Variants in KLF12 observed in about 807,000 individuals in gnomAD.
KLF12 encodes the protein Krueppel-like factor 12.
In KLF12, 9 loss-of-function variants were observed where a neutral mutation model predicts 37.8. The ratio of observed to expected loss-of-function variants is 0.24; its 90% CI spans 0.14 to 0.42. The LOEUF (loss-of-function observed/expected upper bound fraction) is 0.42, where lower values mean the gene tolerates loss of function less well. Ranked by LOEUF, KLF12 falls within the 10% of genes least tolerant of loss-of-function variation. The pLI is 1.00. For missense variants in KLF12, 411 were observed against 516.0 expected, an observed-to-expected ratio of 0.80 and a Z score of 1.97; for synonymous variants, 208 against 202.1, an observed-to-expected ratio of 1.03 and a Z score of -0.25.
intron 1 of KLF12, among the ~76,000 whole-genome samples, chr13:74,037,022 G>A (rs1893263993): frequency 6.6e-6 from 1 of 151,914 alleles, no homozygotes; most frequent in Non-Finnish European, 1.5e-5. Flanking sequence ...TGGCCAAGAT[G>A]GTGAAACCCC....
intron 3 of KLF12, among the ~76,000 whole-genome samples, chr13:73,887,135 A>C (rs1379169984): frequency 6.6e-6 from 1 of 152,224 alleles, no homozygotes; most frequent in African/African-American, 2.4e-5. Context: ...TCAAAAATAG[A>C]AATTGGTGAT....
chr13:73,729,541 T>G (rs1876910645), intron 6 of KLF12, among the ~76,000 whole-genome samples: 1 of 152,202 alleles, frequency 6.6e-6, no homozygotes, highest in Non-Finnish European at 1.5e-5. Flanking sequence ...TGCTAAGGAA[T>G]GATAAATCTG....
At chr13:74,181,989 G>A in the KLF12 span, among the ~76,000 whole-genome samples, 2 of 152,264 alleles carry the variant, frequency 1.3e-5, no homozygotes, top group African/African-American at 2.4e-5. Flanking sequence ...CTATAGATAC[G>A]TCTTTTCAGT....
chr13:74,200,199 G>T, the KLF12 span, among the ~76,000 whole-genome samples: 1 of 151,716 alleles, frequency 6.6e-6, no homozygotes, highest in Non-Finnish European at 1.5e-5. Context: ...CAGGGGGGGG[G>T]TTTCCTGAGA....
At chr13:74,057,612 C>T (rs753131908) in intron 1 of KLF12, among the ~76,000 whole-genome samples, 4 of 152,098 alleles carry the variant, frequency 2.6e-5, no homozygotes, top group Non-Finnish European at 4.4e-5. Context: ...TTTCTTATCC[C>T]CAGTCATTGA....
At chr13:73,710,191 A>G (rs2137643113) in intron 7 of KLF12, among the ~76,000 whole-genome samples, 1 of 152,264 alleles carries the variant, frequency 6.6e-6, no homozygotes, top group South Asian at 2.1e-4. Context: ...CACATACAAC[A>G]TGGCATGTTT....
At chr13:73,818,355 C>A (rs1045281507) in intron 4 of KLF12, among the ~76,000 whole-genome samples, 1 of 152,204 alleles carries the variant, frequency 6.6e-6, no homozygotes, top group Non-Finnish European at 1.5e-5. Flanking sequence ...TGATAGGATG[C>A]TCATATGGGT....
the KLF12 span, among the ~76,000 whole-genome samples, chr13:74,158,813 G>A: frequency 2.6e-5 from 4 of 152,138 alleles, no homozygotes; most frequent in African/African-American, 7.2e-5. Flanking sequence ...CACATAGGTC[G>A]TTTGCAATGA....
chr13:73,927,934 T>C (rs1023795933), intron 3 of KLF12, among the ~76,000 whole-genome samples: 13 of 151,198 alleles, frequency 8.6e-5, no homozygotes, highest in African/African-American at 3.2e-4. Flanking sequence ...CTCGGCTCAC[T>C]GCAACCTCCG....
chr13:74,269,154 T>C, the KLF12 span, among the ~76,000 whole-genome samples: 16 of 152,316 alleles, frequency 1.1e-4, no homozygotes, highest in East Asian at 3.1e-3. Flanking sequence ...GAGATAATGT[T>C]ATTCAACCAG....
At position 73,812,276 on chromosome 13, in the gene KLF12, T is replaced by C. The variant is rs553675001; in HGVS notation, c.806+876A>G. On this transcript the variant is annotated intron_variant, in intron 5 of 7. Transcript: ENST00000377669. ...TGGTCAAAGGGTACAAATTTGCAGA[T>C]AGAAGAAGAAGAAATTCTTAGGACC... Among the ~76,000 whole-genome samples the C allele has an allele frequency of 1.6e-3, 241 of 152,006 alleles. 2 individuals are homozygous for C. The highest frequency in any genetic ancestry group is 3.1e-4 in the Non-Finnish European group (21 of 67,974).
the KLF12 span, among the ~76,000 whole-genome samples, chr13:74,213,221 A>G: frequency 2.0e-5 from 3 of 152,188 alleles, no homozygotes; most frequent in African/African-American, 7.2e-5. Flanking sequence ...ACTTAACAAT[A>G]TACTGTGGTC....
At chr13:74,209,166 A>T in the KLF12 span, among the ~76,000 whole-genome samples, 2 of 152,116 alleles carry the variant, frequency 1.3e-5, no homozygotes, top group African/African-American at 2.4e-5. Flanking sequence ...ATAATGACAC[A>T]AACTCCATTT....
At chr13:73,795,707 G>T (rs931041154) in intron 5 of KLF12, among the ~76,000 whole-genome samples, 3 of 152,178 alleles carry the variant, frequency 2.0e-5, no homozygotes, top group African/African-American at 7.2e-5. Context: ...AATGATAAGA[G>T]ACGGAAGGTT....
the KLF12 span, among the ~76,000 whole-genome samples, chr13:74,167,733 G>A: frequency 1.3e-5 from 2 of 152,146 alleles, no homozygotes; most frequent in Non-Finnish European, 2.9e-5. Context: ...ATCCTCCATT[G>A]CATTTCATTG....
chr13:73,865,150 TA>T (rs901640750), intron 3 of KLF12, among the ~76,000 whole-genome samples: 1 of 152,062 alleles, frequency 6.6e-6, no homozygotes, highest in Non-Finnish European at 1.5e-5. Flanking sequence ...TCTGTTAGGA[TA>T]AAAAGAAATA....
At chr13:74,060,661 C>T (rs1873543068) in intron 1 of KLF12, among the ~76,000 whole-genome samples, 2 of 152,066 alleles carry the variant, frequency 1.3e-5, no homozygotes, top group Middle Eastern at 3.4e-3. Context: ...AGTCTAGGAG[C>T]CTTTCCAAAA....
chr13:73,710,664 G>C (rs1479816064), intron 7 of KLF12, among the ~76,000 whole-genome samples: 1 of 152,190 alleles, frequency 6.6e-6, no homozygotes, highest in Admixed American at 6.5e-5. Context: ...GATAAATGTT[G>C]TGTGTGTTGT....
chr13:73,990,873 C>T (rs562947509), intron 2 of KLF12, among the ~76,000 whole-genome samples: 23 of 151,494 alleles, frequency 1.5e-4, no homozygotes, highest in East Asian at 5.8e-4. Flanking sequence ...TTTAAAAAAC[C>T]GTTTCTAATT....
Sources: allele counts gnomAD v4.1 joint callset (sites outside exome capture counted in the v4.1 genomes callset), GRCh38; gene constraint gnomAD v4.1.1; transcripts MANE v1.5; gene names NCBI Gene and HGNC (gene_info 2026-07-23, HGNC 2026-07-21).